The following DNAH8 variants were observed in gnomAD, a reference collection of about 807,000 sequenced individuals.
The protein encoded by DNAH8 is axonemal beta dynein heavy chain 8.
Under a neutral mutation model 562.1 loss-of-function variants are expected in DNAH8, and 382 were observed. The observed-to-expected ratio is 0.68, with a 90% CI of 0.63 to 0.74. DNAH8 has a LOEUF of 0.74. DNAH8 is among the 30% of genes least tolerant of loss of function. The pLI is 0.00. For missense variants in DNAH8, 5,203 were observed against 5,620.4 expected (o/e 0.93, Z 2.37); for synonymous variants, 1,881 against 1,919.4 (o/e 0.98, Z 0.52).
At chr6:39,006,279 G>A (rs1929902) in intron 88 of DNAH8, among the ~76,000 whole-genome samples, 37,095 of 152,206 alleles carry the variant, frequency 0.24, 5,659 homozygotes, top group Non-Finnish European at 0.34. Flanking sequence ...GCAATAAATA[G>A]TATAGGTTTT....
At chr6:38,952,393 C>G (rs1391816625) in intron 82 of DNAH8, among the ~76,000 whole-genome samples, 1 of 152,082 alleles carries the variant, frequency 6.6e-6, no homozygotes, top group Non-Finnish European at 1.5e-5. Context: ...ACTGTTTATC[C>G]CTTGCTTCAT....
At chr6:38,780,891 A>T (rs1738253) in intron 15 of DNAH8, among the ~76,000 whole-genome samples, 15,125 of 152,220 alleles carry the variant, frequency 0.099, 1,378 homozygotes, top group East Asian at 0.44. Flanking sequence ...TGGTGTGTGT[A>T]TAGCAAAGCC....
chr6:38,815,768 A>G, intron 26 of DNAH8, 111 bp downstream of exon 26: 1 of 1,060,546 alleles, frequency 9.4e-7, no homozygotes, highest in Middle Eastern at 2.3e-4. Context: ...AAAAAATAGT[A>G]TGTTTCATCT....
rs116239682 is a variant in DNAH8 at position 38,752,811 on chromosome 6, G to A, written c.1407+2222G>A. On this transcript the variant is annotated intron_variant, in intron 9 of 92. Transcript: ENST00000327475. ...GCCATGAGGAATCCATTATCCATCA[G>A]GGAGCACCATGAGAGGGGACAGGAA... Among the ~76,000 whole-genome samples the A allele has an allele frequency of 5.7e-3, 870 of 152,320 alleles. 10 individuals are homozygous for A. The highest frequency in any genetic ancestry group is 0.02 in the African/African-American group (835 of 41,564).
At chr6:38,743,007 CTTTT>C (rs11340457) in intron 8 of DNAH8, among the ~76,000 whole-genome samples, 1 of 52,004 alleles carries the variant, frequency 1.9e-5, no homozygotes, top group African/African-American at 1.1e-4. Context: ...TGTTGTTGTG[CTTTT>C]TTTTTTTTTT....
At chr6:38,955,404 G>C (rs1762177408) in intron 82 of DNAH8, among the ~76,000 whole-genome samples, 1 of 152,128 alleles carries the variant, frequency 6.6e-6, no homozygotes, top group African/African-American at 2.4e-5. Flanking sequence ...GCCGAGGTGG[G>C]TGGATCATCT....
At chr6:38,755,900 G>T in intron 9 of DNAH8, 72 bp from the exon 10 acceptor site, 1 of 883,748 alleles carries the variant, frequency 1.1e-6, no homozygotes, top group Non-Finnish European at 1.9e-6. Context: ...TTAGAGTTTT[G>T]AGTATTATAG....
At chr6:38,730,583 G>A (rs1265138022) in intron 4 of DNAH8, among the ~76,000 whole-genome samples, 1 of 152,164 alleles carries the variant, frequency 6.6e-6, no homozygotes, top group African/African-American at 2.4e-5. Context: ...GCTGCCTTAG[G>A]CTAGGCCTTC....
At chr6:38,807,506 T>G in intron 23 of DNAH8, 104 bp from the exon 24 acceptor site, 1 of 461,562 alleles carries the variant, frequency 2.2e-6, no homozygotes, top group Non-Finnish European at 3.9e-6. Context: ...AGTTTATTAT[T>G]TGTTGCCTTT....
At chr6:38,987,106 G>T (rs368709498) in intron 87 of DNAH8, among the ~76,000 whole-genome samples, 24 of 152,340 alleles carry the variant, frequency 1.6e-4, no homozygotes, top group South Asian at 6.2e-4. Context: ...TGGAGCTCAG[G>T]CATGGAGATA....
rs189305372 is a variant in DNAH8 at position 38,867,877 on chromosome 6, C to G, written c.6694-185C>G. On this transcript the variant is annotated intron_variant, in intron 47 of 92. Coordinates refer to ENST00000327475, the MANE Select transcript of DNAH8 (RefSeq NM_001206927.2). Reference sequence around the variant, plus strand: ...ACTTGATCTTGCAGCTTGGATTTTCCCATGGAATGATCATATTTCAGTCAA... The same window carrying G: ...ACTTGATCTTGCAGCTTGGATTTTCGCATGGAATGATCATATTTCAGTCAA... 7.1e-3 allele frequency among the ~76,000 whole-genome samples: 1,079 copies of G among 152,108 alleles called. 7 individuals are homozygous for G. The highest frequency in any genetic ancestry group is 0.023 in the South Asian group (110 of 4,810).
Position 38,737,158 on chromosome 6 carries a change from C to G in DNAH8, c.854C>G (p.Ala285Gly). 6.3e-7 allele frequency: 1 copy of G among 1,582,238 alleles called. No homozygotes were observed. Among genetic ancestry groups the G allele is most frequent in the Admixed American group, 1.9e-5 (1 of 53,818 alleles). ...AATATATTTCTACCAGCTGTTCTTG[C>G]AACAAACAACTGGGGTGCTTTAAAC... is the stretch of plus-strand genomic sequence containing the variant. ...LANIFLPAVLATNNWGALNQS... is the reference protein window; with the variant it reads ...LANIFLPAVLGTNNWGALNQS... The change falls in exon 6 of 93, where the codon GCA becomes GGA. Residue 285 changes from alanine to glycine, a missense_variant. Around this residue, in one of 6 missense-constraint regions of DNAH8, gnomAD observed 556 missense variants for 496.9 expected, o/e 1.12. Transcript: ENST00000327475.
chr6:38,984,133 G>A, intron 86 of DNAH8, 73 bp from the exon 87 acceptor site: 1 of 851,402 alleles, frequency 1.2e-6, no homozygotes, highest in Non-Finnish European at 1.9e-6. Flanking sequence ...CTTTCCTCTA[G>A]GGAAAGACCC....
Position 38,806,189 on chromosome 6 carries a change from C to A in DNAH8, c.3150+593C>A, listed in dbSNP as rs76684358. 2.8e-3 allele frequency among the ~76,000 whole-genome samples: 423 copies of A among 152,280 alleles called. 3 individuals carry two copies. The highest frequency in any genetic ancestry group is 9.6e-3 in the African/African-American group (400 of 41,546). On this transcript the variant is annotated intron_variant, in intron 23 of 92. Transcript: ENST00000327475. ...TGAATGTCACTGTCACATTTGCACT[C>A]ATTCCTGCTTTCTCCTCCCCGGGTC...
intron 87 of DNAH8, among the ~76,000 whole-genome samples, chr6:38,988,354 A>T (rs370815039): frequency 2.1e-4 from 32 of 152,316 alleles, no homozygotes; most frequent in African/African-American, 7.7e-4. Flanking sequence ...GGAAAATAGT[A>T]AGAAACTTCA....
intron 21 of DNAH8, among the ~76,000 whole-genome samples, chr6:38,797,122 G>C (rs1007416617): frequency 2.0e-5 from 3 of 152,162 alleles, no homozygotes; most frequent in Non-Finnish European, 4.4e-5. Context: ...GGCTGGACGC[G>C]GTGACTCATG....
At chr6:38,952,718 T>C (rs934585930) in intron 82 of DNAH8, among the ~76,000 whole-genome samples, 26 of 152,332 alleles carry the variant, frequency 1.7e-4, no homozygotes, top group African/African-American at 6.3e-4. Context: ...CTATTTGTTG[T>C]CACCACACTG....
intron 8 of DNAH8, among the ~76,000 whole-genome samples, chr6:38,749,819 A>G (rs574692637): frequency 1.2e-4 from 19 of 152,148 alleles, no homozygotes; most frequent in Non-Finnish European, 2.2e-4. Flanking sequence ...TTTGTTTTGA[A>G]TAATGTTCTT....
At chr6:38,912,378 T>A (rs1034307993) in intron 66 of DNAH8, among the ~76,000 whole-genome samples, 3 of 152,106 alleles carry the variant, frequency 2.0e-5, no homozygotes, top group African/African-American at 7.2e-5. Context: ...GGTGGGAGGA[T>A]CACTTGAGCC....
Sources: allele counts gnomAD v4.1 joint callset (sites outside exome capture counted in the v4.1 genomes callset), GRCh38; gene constraint gnomAD v4.1.1; regional missense constraint gnomAD v4.1.1; transcripts MANE v1.5; gene names NCBI Gene and HGNC (gene_info 2026-07-23, HGNC 2026-07-21).